NF1: variants seen among roughly 807,000 people sequenced by gnomAD.
The protein encoded by NF1 is neurofibromin.
In NF1, 122 loss-of-function variants were observed where a neutral mutation model predicts 325.7. That is an observed-to-expected ratio of 0.37 (90% CI 0.32 to 0.44). The LOEUF is 0.44. NF1 is among the 20% of genes least tolerant of loss of function. NF1 has a pLI of 1.00. For missense variants in NF1, 2,140 were observed against 3,415.4 expected (o/e 0.63, Z 9.31); for synonymous variants, 1,091 against 1,186.0 (o/e 0.92, Z 1.65).
chr17:31,264,882 C>A (rs2151469550), intron 35 of NF1, among the ~76,000 whole-genome samples: 1 of 152,172 alleles, frequency 6.6e-6, no homozygotes, highest in African/African-American at 2.4e-5. Flanking sequence ...CAAAGCAAGG[C>A]CTTTTTCATC....
intron 1 of NF1, chr17:31,128,390 C>T (rs1192593416): frequency 6.6e-6 from 1 of 152,006 alleles, no homozygotes; most frequent in Non-Finnish European, 1.5e-5. Context: ...ATTATGCTGA[C>T]TTGTTGGCAT....
intron 29 of NF1, among the ~76,000 whole-genome samples, chr17:31,247,630 A>G (rs1597733526): frequency 6.6e-6 from 1 of 152,360 alleles, no homozygotes; most frequent in Admixed American, 6.5e-5. Flanking sequence ...TAGTAAAGTT[A>G]TATCTGCATA....
intron 1 of NF1, among the ~76,000 whole-genome samples, chr17:31,096,143 T>C (rs1911698965): frequency 2.8e-5 from 4 of 142,224 alleles, no homozygotes; most frequent in African/African-American, 7.8e-5. Context: ...CCCCCCCCCT[T>C]TTTTTTTTGC....
chr17:31,320,343 TAAAAA>T, intron 36 of NF1: 5 of 1,176,230 alleles, frequency 4.3e-6, no homozygotes, highest in South Asian at 3.4e-5. Flanking sequence ...TCCTTTTATT[TAAAAA>T]AAAAAAAAAA....
At chr17:31,261,480 G>A (rs2067685029) in intron 34 of NF1, among the ~76,000 whole-genome samples, 1 of 152,044 alleles carries the variant, frequency 6.6e-6, no homozygotes, top group Non-Finnish European at 1.5e-5. Context: ...GAAAAGTAGT[G>A]GACTGTGAAG....
At chr17:31,210,809 A>T (rs373259655) in intron 12 of NF1, among the ~76,000 whole-genome samples, 2 of 152,092 alleles carry the variant, frequency 1.3e-5, no homozygotes, top group East Asian at 3.9e-4. Context: ...TTATTATTTT[A>T]TGTTGACTTT....
intron 1 of NF1, among the ~76,000 whole-genome samples, chr17:31,105,105 G>T (rs1912735418): frequency 6.6e-6 from 1 of 151,974 alleles, no homozygotes; most frequent in Non-Finnish European, 1.5e-5. Flanking sequence ...TTGTTATGTT[G>T]CCCAGGCTGG....
rs17884467 is a variant in NF1, at chr17:31,325,128, T to C, written c.4836-692T>C. 4.5e-3 allele frequency among the ~76,000 whole-genome samples: 681 copies of C among 152,292 alleles called. 7 individuals are homozygous for C. Among genetic ancestry groups the C allele is most frequent in the African/African-American group, 0.016 (651 of 41,566 alleles). On this transcript the variant is annotated intron_variant, in intron 36 of 57. Transcript: ENST00000358273. ...TCAAAAAATGGTATTTATTGGCTTA[T>C]GTAACTGAGCAGTCCTGGGATAAAT...
At chr17:31,097,327 G>C (rs1329330233) in intron 1 of NF1, among the ~76,000 whole-genome samples, 5 of 151,794 alleles carry the variant, frequency 3.3e-5, no homozygotes, top group Admixed American at 3.3e-4. Context: ...GCATGGTGGC[G>C]GGCGCCTGTA....
At chr17:31,240,325 C>T (rs548802117) in intron 29 of NF1, among the ~76,000 whole-genome samples, 8 of 152,148 alleles carry the variant, frequency 5.3e-5, no homozygotes, top group South Asian at 4.2e-4. Flanking sequence ...AATAAGAGAG[C>T]GCACGATGTT....
At chr17:31,200,275 T>TA (rs747627024) in intron 8 of NF1, 147 bp from the exon 9 acceptor site, 7 of 698,720 alleles carry the variant, frequency 1.0e-5, no homozygotes, top group Non-Finnish European at 1.4e-5. Context: ...GACCACTACT[T>TA]AAATTATGAA....
chr17:31,208,366 T>C (rs1198634063), intron 12 of NF1, among the ~76,000 whole-genome samples: 1 of 152,102 alleles, frequency 6.6e-6, no homozygotes, highest in Non-Finnish European at 1.5e-5. Context: ...TATGAAACAA[T>C]TTTTAGAATA....
intron 34 of NF1, among the ~76,000 whole-genome samples, chr17:31,260,758 C>T (rs573459234): frequency 6.6e-6 from 1 of 152,176 alleles, no homozygotes; most frequent in African/African-American, 2.4e-5. Context: ...GTTAAGAAAT[C>T]ACAGATTTGC....
chr17:31,213,256 C>T (rs1260773219), intron 12 of NF1, among the ~76,000 whole-genome samples: 1 of 152,140 alleles, frequency 6.6e-6, no homozygotes, highest in African/African-American at 2.4e-5. Flanking sequence ...GGTCAGGGGG[C>T]AGTTATAAAA....
rs1409490242 is a variant in NF1, at chr17:31,095,260, A to C, written c.-50A>C. 6.6e-7 allele frequency: 1 copy of C among 1,512,636 alleles called. No homozygotes were observed. The highest frequency in any genetic ancestry group is 8.9e-7 in the Non-Finnish European group (1 of 1,128,608). The allele number at this position is 1,512,636 out of a possible 1,614,324, so 93.7% of individuals were successfully genotyped here. A position where few individuals can be genotyped will look rare whatever the true frequency, so the allele number is the denominator to read the frequency against. On this transcript the variant is annotated 5_prime_UTR_variant, in exon 1 of 58. Transcript: ENST00000358273. ...CCGCTCCCCGCCCTCTTCCCGGCCC[A>C]GGGCGCCGGCCCACCCTTCCCTCCG...
In NF1 at chr17:31,349,848, C is replaced by A. The variant is rs190603294; in HGVS notation, c.7322-335C>A. On this transcript the variant is annotated intron_variant, in intron 49 of 57. Transcript: ENST00000358273. ...AGTTGTTTGATAGAAAGTGCTGATT[C>A]TCAGTTTCACAGACTTGTATTTGTT... Among the ~76,000 whole-genome samples, 24 of 152,326 alleles carry A rather than the reference C, an allele frequency of 1.6e-4. No individual in the cohort carries two copies. In the East Asian group the frequency reaches 4.4e-3, roughly 28 times the overall value.
At chr17:31,222,236 T>C in intron 15 of NF1, 1 of 1,080,518 alleles carries the variant, frequency 9.3e-7, no homozygotes, top group Non-Finnish European at 1.1e-6. Context: ...TTTAATAGAT[T>C]TTCATAGTTA....
Position 31,327,520 on chromosome 17 carries a change from G to A in NF1, c.5290G>A (p.Val1764Ile), listed in dbSNP as rs778427434. The A allele has an allele frequency of 4.3e-6, 7 of 1,613,594 alleles. No individual in the cohort carries two copies. In the East Asian group the frequency reaches 1.6e-4, roughly 36 times the overall value. The change falls in exon 38 of 58, where the codon GTA becomes ATA. Residue 1764 changes from valine (V) to isoleucine (I), a missense_variant. Coordinates refer to ENST00000358273, the MANE Select transcript of NF1 (RefSeq NM_001042492.3). ...CCAGGTTGGTTCTACTGCTGTCCAA[G>A]TAACTTCAGCAGAGCGAACAAAAGT... is the stretch of plus-strand genomic sequence containing the variant. ...SIKVGSTAVQVTSAERTKVLG... is the reference protein window; with the variant it reads ...SIKVGSTAVQITSAERTKVLG...
chr17:31,352,483 A>C (rs1160889558), intron 51 of NF1, 69 bp downstream of exon 51: 2 of 1,387,096 alleles, frequency 1.4e-6, no homozygotes, highest in African/African-American at 2.9e-5. Flanking sequence ...CTCTTGGAAA[A>C]TTATTTGAAA....
Sources: gnomAD v4.1 joint callset for allele counts (sites outside exome capture counted in the v4.1 genomes callset) on GRCh38, gnomAD v4.1.1 for gene constraint, MANE v1.5 for transcripts, NCBI Gene and HGNC (gene_info 2026-07-23, HGNC 2026-07-21) for gene names.